The following SLC10A7 variants were observed in gnomAD, a reference collection of about 807,000 sequenced individuals.
SLC10A7 encodes sodium/bile acid cotransporter 7.
SLC10A7 carries 29 observed loss-of-function variants against 43.2 expected under a neutral mutation model. That is an observed-to-expected ratio of 0.67 (90% CI 0.50 to 0.92). The LOEUF is 0.92. Among genes scored for constraint, SLC10A7 ranks in the 40% least tolerant of loss-of-function variants. SLC10A7 has a pLI of 0.00. For missense variants in SLC10A7, 295 were observed against 403.2 expected (o/e 0.73, Z 2.30); for synonymous variants, 152 against 144.8 (o/e 1.05, Z -0.35).
intron 4 of SLC10A7, among the ~76,000 whole-genome samples, chr4:146,478,819 T>A (rs1223543377): frequency 6.6e-6 from 1 of 152,142 alleles, no homozygotes; most frequent in African/African-American, 2.4e-5. Flanking sequence ...CAAGAAGAAA[T>A]GATATGAGCT....
At chr4:146,422,087 T>A (rs1418350213) in intron 5 of SLC10A7, among the ~76,000 whole-genome samples, 1 of 152,168 alleles carries the variant, frequency 6.6e-6, no homozygotes, top group African/African-American at 2.4e-5. Context: ...ATGTACAACA[T>A]GAAGTTAATA....
intron 5 of SLC10A7, among the ~76,000 whole-genome samples, chr4:146,409,960 C>T (rs1426367293): frequency 1.3e-5 from 2 of 152,096 alleles, no homozygotes; most frequent in Non-Finnish European, 2.9e-5. Flanking sequence ...TTGTACCTTC[C>T]AATGGGAAGG....
intron 2 of SLC10A7, among the ~76,000 whole-genome samples, chr4:146,513,397 T>A (rs951682186): frequency 2.6e-5 from 4 of 152,164 alleles, no homozygotes; most frequent in Non-Finnish European, 5.9e-5. Flanking sequence ...TTGTAAAATA[T>A]TATGCATATA....
In SLC10A7 at chr4:146,380,597, C is replaced by A. The variant is rs980755241; in HGVS notation, c.436-54601G>T. On this transcript the variant is annotated intron_variant, in intron 5 of 11. Coordinates refer to ENST00000335472, the MANE Select transcript of SLC10A7 (RefSeq NM_001029998.6). ...TTGATGACCTACTACATATGGGGCA[C>A]TAAATTAGGTGTTGCTAAAGGCTAC... Among the ~76,000 whole-genome samples, 13 of 152,124 alleles carry A rather than the reference C, an allele frequency of 8.5e-5. No individual in the cohort carries two copies. In the South Asian group the frequency reaches 2.7e-3, roughly 32 times the overall value.
At chr4:146,438,513 GC>G (rs1730366977) in intron 5 of SLC10A7, among the ~76,000 whole-genome samples, 1 of 151,918 alleles carries the variant, frequency 6.6e-6, no homozygotes, top group Non-Finnish European at 1.5e-5. Context: ...CATCTATGTT[GC>G]CATGAAGTGT....
chr4:146,476,341 G>C (rs1457736744), intron 4 of SLC10A7, among the ~76,000 whole-genome samples: 1 of 152,160 alleles, frequency 6.6e-6, no homozygotes, highest in Non-Finnish European at 1.5e-5. Context: ...TAAATAAGGC[G>C]GAGGCGAGAG....
chr4:146,315,541 T>A (rs1210770648), intron 6 of SLC10A7, among the ~76,000 whole-genome samples: 1 of 152,138 alleles, frequency 6.6e-6, no homozygotes, highest in Non-Finnish European at 1.5e-5. Flanking sequence ...TCTCCTCAAA[T>A]TAAAAATTTT....
intron 9 of SLC10A7, among the ~76,000 whole-genome samples, chr4:146,289,712 T>G (rs961556240): frequency 7.5e-6 from 1 of 134,012 alleles, no homozygotes; most frequent in East Asian, 2.2e-4. Flanking sequence ...ATTAGTTTTT[T>G]TTTTTTTTTT....
chr4:146,293,069 A>G (rs1365411646), intron 8 of SLC10A7, 89 bp from the exon 9 acceptor site: 5 of 783,540 alleles, frequency 6.4e-6, no homozygotes, highest in Non-Finnish European at 8.0e-6. Context: ...TCTAAAATTT[A>G]TAGGAACTAA....
At position 146,269,664 on chromosome 4, in the gene SLC10A7, T is replaced by A. The variant is rs565730464; in HGVS notation, c.848-10827A>T. Among the ~76,000 whole-genome samples the A allele has an allele frequency of 2.6e-5, 4 of 152,346 alleles. No individual in the cohort carries two copies. The South Asian group carries it at 8.3e-4, about 32-fold the overall frequency. ...TGGCTCTGGAACTGTTGTCCAATTT[T>A]ACAGAGTTTTTTAGATGTATTTTTA... On this transcript the variant is annotated intron_variant, in intron 10 of 11. Transcript: ENST00000335472.
chr4:146,290,057 G>T (rs866362342), intron 9 of SLC10A7, among the ~76,000 whole-genome samples: 1 of 148,654 alleles, frequency 6.7e-6, no homozygotes, highest in African/African-American at 2.4e-5. Context: ...GGGCGTGGTG[G>T]CTCACGCCTG....
rs568417655 is a variant in SLC10A7 at position 146,387,837 on chromosome 4, C to CA, written c.435+54945dup. 5.3e-5 allele frequency among the ~76,000 whole-genome samples: 8 copies of CA among 151,808 alleles called. No homozygotes were observed. In the South Asian group the frequency reaches 1.7e-3, roughly 32 times the overall value. ...ACTCAGTCTCATTTATAATACATACCAAAAAAATACCTAGGGATACATTTA... is the reference window on the plus strand; with the variant it reads ...ACTCAGTCTCATTTATAATACATACCAAAAAAAATACCTAGGGATACATTTA... On this transcript the variant is annotated intron_variant, in intron 5 of 11. Coordinates refer to ENST00000335472, the MANE Select transcript of SLC10A7 (RefSeq NM_001029998.6).
intron 4 of SLC10A7, among the ~76,000 whole-genome samples, chr4:146,469,620 A>G (rs367791354): frequency 6.6e-6 from 1 of 152,162 alleles, no homozygotes; most frequent in African/African-American, 2.4e-5. Flanking sequence ...TAGCATGTAT[A>G]AAACCCAAAG....
chr4:146,275,883 T>C lies in SLC10A7; in HGVS notation c.847+7309A>G, dbSNP rs79181775. On this transcript the variant is annotated intron_variant, in intron 10 of 11. Transcript: ENST00000335472. Reference sequence around the variant, plus strand: ...GCAGTCTCAGCTTGGACCTTTTAGGTGCTCTCAGAGCACCTTGCATGAGAG... The same window carrying C: ...GCAGTCTCAGCTTGGACCTTTTAGGCGCTCTCAGAGCACCTTGCATGAGAG... Among the ~76,000 whole-genome samples the C allele has an allele frequency of 6.8e-4, 104 of 152,104 alleles. No homozygotes were observed. In the East Asian group the frequency reaches 0.019, roughly 28 times the overall value.
intron 9 of SLC10A7, among the ~76,000 whole-genome samples, chr4:146,291,195 G>T (rs1377823662): frequency 6.6e-6 from 1 of 152,188 alleles, no homozygotes; most frequent in African/African-American, 2.4e-5. Context: ...AACTGCCATT[G>T]AAAGGCAAAT....
intron 9 of SLC10A7, among the ~76,000 whole-genome samples, chr4:146,286,550 A>AGGACTCTGGAGTGGTGAGAG: frequency 2.2e-5 from 3 of 134,330 alleles, no homozygotes; most frequent in Admixed American, 7.3e-5. Context: ...AGTGGTGAGA[A>AGGACTCTGGAGTGGTGAGAG]GGACTGTGTT....
At chr4:146,468,327 A>T (rs1733237890) in intron 4 of SLC10A7, among the ~76,000 whole-genome samples, 1 of 152,230 alleles carries the variant, frequency 6.6e-6, no homozygotes, top group Admixed American at 6.5e-5. Flanking sequence ...CAAATCAGAA[A>T]TCCAGAAACA....
intron 10 of SLC10A7, among the ~76,000 whole-genome samples, chr4:146,281,035 T>C (rs1322573893): frequency 6.6e-6 from 1 of 152,194 alleles, no homozygotes; most frequent in Non-Finnish European, 1.5e-5. Context: ...TTGGAGGATC[T>C]ATTTCATGGT....
intron 4 of SLC10A7, among the ~76,000 whole-genome samples, chr4:146,499,132 T>C (rs1008901073): frequency 2.0e-5 from 3 of 152,146 alleles, no homozygotes; most frequent in African/African-American, 7.2e-5. Context: ...TATATAAATA[T>C]ACATGAGCAT....
Sources: gnomAD v4.1 joint callset for allele counts (sites outside exome capture counted in the v4.1 genomes callset) on GRCh38, gnomAD v4.1.1 for gene constraint, MANE v1.5 for transcripts, NCBI Gene and HGNC (gene_info 2026-07-23, HGNC 2026-07-21) for gene names.